Variants in BBS9 observed in about 807,000 individuals in gnomAD.
BBS9 encodes the protein Bardet-Biedl syndrome 9, also known as protein PTHB1.
Under a neutral mutation model 117.7 loss-of-function variants are expected in BBS9, and 89 were observed. The observed-to-expected ratio is 0.76, with a 90% CI of 0.64 to 0.90. BBS9 has a LOEUF of 0.90. Ranked by LOEUF, BBS9 falls within the 40% of genes least tolerant of loss-of-function variation. The pLI is 0.00. For synonymous variants in BBS9, 379 were observed against 370.9 expected, an observed-to-expected ratio of 1.02 and a Z score of -0.25; for missense variants, 982 against 1,042.2, an observed-to-expected ratio of 0.94 and a Z score of 0.80.
At chr7:33,280,336 C>T (rs1225792983) in intron 9 of BBS9, among the ~76,000 whole-genome samples, 1 of 152,176 alleles carries the variant, frequency 6.6e-6, no homozygotes. Context: ...CCTCCCTCCC[C>T]ACTCTTGTAG....
chr7:33,376,817 A>T (rs1374555715), intron 17 of BBS9, among the ~76,000 whole-genome samples: 2 of 152,160 alleles, frequency 1.3e-5, no homozygotes, highest in East Asian at 3.9e-4. Flanking sequence ...GTATTATTTC[A>T]TGTGCTTGTT....
At chr7:33,609,437 G>A (rs1864752872), downstream of BBS9, among the ~76,000 whole-genome samples, 1 of 152,058 alleles carries the variant, frequency 6.6e-6, no homozygotes, top group Admixed American at 6.6e-5. Context: ...GTTAATTTTG[G>A]TATGATTTGA....
At chr7:33,356,130 G>A (rs1819576016) in intron 15 of BBS9, among the ~76,000 whole-genome samples, 1 of 151,756 alleles carries the variant, frequency 6.6e-6, no homozygotes, top group African/African-American at 2.4e-5. Flanking sequence ...ACAAGTTTAA[G>A]TTTCCTTGTT....
In BBS9 at chr7:33,534,997, C is replaced by A. The variant is rs558589521; in HGVS notation, c.2521+821C>A. On this transcript the variant is annotated intron_variant, in intron 21 of 22. Coordinates refer to ENST00000242067, the MANE Select transcript of BBS9 (RefSeq NM_198428.3). ...TACATGCCTTTTCTTTACTTCCCCG[C>A]CCCCATTCCCTCTCTGGTAGTCTTG... Among the ~76,000 whole-genome samples the A allele has an allele frequency of 1.2e-3, 177 of 152,312 alleles. 2 individuals are homozygous for A. Among genetic ancestry groups the A allele is most frequent in the African/African-American group, 4.1e-3 (172 of 41,568 alleles).
rs188093303 is a variant in BBS9 at position 33,618,178 on chromosome 7, A to G, written c.2522-16999A>G. On this transcript the variant is annotated intron_variant, in intron 21 of 21. Coordinates refer to the BBS9 transcript ENST00000671952. ...AACATAGTGAGACTCTGTCTCTACA[A>G]ATTTTTTTGTTTCAGAATTAGCTGG... Among the ~76,000 whole-genome samples the G allele has an allele frequency of 3.6e-4, 54 of 152,082 alleles. 1 individual carries two copies. Among genetic ancestry groups the G allele is most frequent in the African/African-American group, 9.7e-5 (4 of 41,430 alleles).
chr7:33,555,043 A>AT (rs1171072884), intron 21 of BBS9, among the ~76,000 whole-genome samples: 1 of 152,134 alleles, frequency 6.6e-6, no homozygotes, highest in Non-Finnish European at 1.5e-5. Flanking sequence ...AATTTGTAAC[A>AT]TTTCTCCTTT....
At chr7:33,581,978 C>T (rs1416094919) in intron 21 of BBS9, among the ~76,000 whole-genome samples, 2 of 151,908 alleles carry the variant, frequency 1.3e-5, no homozygotes, top group East Asian at 3.9e-4. Flanking sequence ...TTATTTTACA[C>T]CATGGTTAGT....
At chr7:33,283,015 G>A (rs1224618673) in intron 9 of BBS9, among the ~76,000 whole-genome samples, 4 of 151,784 alleles carry the variant, frequency 2.6e-5, no homozygotes, top group Non-Finnish European at 5.9e-5. Flanking sequence ...TACATTTTTT[G>A]TAATCACAAT....
chr7:33,622,167 G>A (rs934846245), intron 21 of BBS9, among the ~76,000 whole-genome samples: 5 of 152,012 alleles, frequency 3.3e-5, no homozygotes, highest in African/African-American at 7.2e-5. Flanking sequence ...CTGAGATAGC[G>A]CCATTGCACT....
At chr7:33,394,591 TC>T (rs1277947247) in intron 19 of BBS9, among the ~76,000 whole-genome samples, 1 of 152,144 alleles carries the variant, frequency 6.6e-6, no homozygotes, top group Non-Finnish European at 1.5e-5. Flanking sequence ...AAAATATCAT[TC>T]TTTTTGAAAG....
chr7:33,476,665 C>G (rs934138823), intron 19 of BBS9, among the ~76,000 whole-genome samples: 40 of 152,218 alleles, frequency 2.6e-4, no homozygotes, highest in Admixed American at 2.6e-4. Context: ...TACTTCTCAG[C>G]TCCCTCATTA....
chr7:33,407,510 C>T (rs916108749), intron 19 of BBS9, among the ~76,000 whole-genome samples: 2 of 152,168 alleles, frequency 1.3e-5, no homozygotes, highest in Non-Finnish European at 2.9e-5. Flanking sequence ...GAGAGGCGCT[C>T]TGCTTTTTAG....
chr7:33,573,155 T>A (rs1858117814), intron 21 of BBS9, among the ~76,000 whole-genome samples: 2 of 152,094 alleles, frequency 1.3e-5, no homozygotes, highest in Admixed American at 1.3e-4. Context: ...AATTTTCTGG[T>A]ACAATAAGAC....
At chr7:33,555,842 G>C (rs1190730301) in intron 21 of BBS9, among the ~76,000 whole-genome samples, 1 of 152,056 alleles carries the variant, frequency 6.6e-6, no homozygotes, top group African/African-American at 2.4e-5. Context: ...TCTACCCTTT[G>C]ATAATTATTC....
chr7:33,265,237 A>G lies in BBS9; in HGVS notation c.702+863A>G, dbSNP rs115947457. Among the ~76,000 whole-genome samples the G allele has an allele frequency of 2.7e-3, 415 of 152,336 alleles. 1 individual carries two copies. Among genetic ancestry groups the G allele is most frequent in the African/African-American group, 9.7e-3 (404 of 41,588 alleles). On this transcript the variant is annotated intron_variant, in intron 7 of 22. Transcript: ENST00000242067. ...TAACATAACAGTATTGGAGAAGACT[A>G]TGCAGAATTTTCTGTATTAGGATAC...
intron 20 of BBS9, among the ~76,000 whole-genome samples, chr7:33,532,596 G>A (rs1417896160): frequency 6.6e-6 from 1 of 152,112 alleles, no homozygotes; most frequent in Non-Finnish European, 1.5e-5. Flanking sequence ...AGAACAGCAT[G>A]AGGGTAGCCA....
At chr7:33,504,875 C>T (rs1173179062) in intron 19 of BBS9, among the ~76,000 whole-genome samples, 7 of 150,316 alleles carry the variant, frequency 4.7e-5, no homozygotes, top group East Asian at 3.9e-4. Context: ...TTTCAGGTCC[C>T]TGTGGGCTGG....
At position 33,286,928 on chromosome 7, in the gene BBS9, A is replaced by C. The variant is rs367966304; in HGVS notation, c.1016+12972A>C. Among the ~76,000 whole-genome samples, 46 of 152,302 alleles carry C rather than the reference A, an allele frequency of 3.0e-4. No individual in the cohort carries two copies. The East Asian group carries it at 4.6e-3, about 15-fold the overall frequency. On this transcript the variant is annotated intron_variant, in intron 9 of 22. Transcript: ENST00000242067. ...TTCTTAGTTGCTTACTGTAATATAA[A>C]AGGGAAATGGGAAAAAGTGATTTTT...
chr7:33,517,985 TG>T, intron 20 of BBS9, among the ~76,000 whole-genome samples: 1 of 152,332 alleles, frequency 6.6e-6, no homozygotes, highest in East Asian at 1.9e-4. Context: ...ACTCATGGCT[TG>T]CTTCATATAA....
Sources: gnomAD v4.1 joint callset for allele counts (sites outside exome capture counted in the v4.1 genomes callset) on GRCh38, gnomAD v4.1.1 for gene constraint, MANE v1.5 for transcripts, NCBI Gene and HGNC (gene_info 2026-07-23, HGNC 2026-07-21) for gene names.